The following PARD3 variants were observed in gnomAD, a reference collection of about 807,000 sequenced individuals.
PARD3 encodes the protein par-3 family cell polarity regulator.
PARD3 carries 75 observed loss-of-function variants against 155.4 expected under a neutral mutation model. The ratio of observed to expected loss-of-function variants is 0.48; its 90% CI spans 0.40 to 0.58. The LOEUF (loss-of-function observed/expected upper bound fraction) is 0.58, where lower values mean the gene tolerates loss of function less well. Ranked by LOEUF, PARD3 falls within the 20% of genes least tolerant of loss-of-function variation. The probability of loss-of-function intolerance (pLI) is 0.00; values close to 1 mark genes in which losing one functional copy is unlikely to be tolerated. For synonymous variants in PARD3, 576 were observed against 610.5 expected (o/e 0.94, Z 0.83); for missense variants, 1,642 against 1,721.7 (o/e 0.95, Z 0.82).
chr10:34,357,701 A>G (rs905459654), intron 14 of PARD3, among the ~76,000 whole-genome samples: 21 of 152,176 alleles, frequency 1.4e-4, no homozygotes, highest in African/African-American at 5.1e-4. Context: ...GAATGTTTGT[A>G]TGTCCCACTC....
intron 20 of PARD3, among the ~76,000 whole-genome samples, chr10:34,296,135 A>T (rs979625015): frequency 6.6e-6 from 1 of 152,158 alleles, no homozygotes; most frequent in Non-Finnish European, 1.5e-5. Flanking sequence ...TTCAATGACT[A>T]GGTTCTTCAT....
chr10:34,175,901 T>C (rs556143170), intron 22 of PARD3, among the ~76,000 whole-genome samples: 29 of 152,350 alleles, frequency 1.9e-4, no homozygotes, highest in South Asian at 8.3e-4. Flanking sequence ...CTAAGCTACC[T>C]GCATCATACT....
chr10:34,110,871 G>A lies in PARD3; in HGVS notation c.*298C>T, dbSNP rs570199633. The stretch of plus-strand genomic sequence containing the variant: ...TGCAGGGATGTTACAACCAAGCCGC[G>A]GACAACTCATGAGTAGGGCCGAGAT... On this transcript the variant is annotated 3_prime_UTR_variant, in exon 25 of 25. Coordinates refer to ENST00000374788, the MANE Select transcript of PARD3 (RefSeq NM_001184785.2). 13 of 242,248 alleles carry A rather than the reference G, an allele frequency of 5.4e-5. No homozygotes were observed. Among genetic ancestry groups the A allele is most frequent in the African/African-American group, 1.8e-4 (8 of 44,898 alleles). The allele number at this position is 242,248 out of a possible 1,614,324, so 15.0% of individuals were successfully genotyped here.
At chr10:34,566,602 C>T (rs756671958) in intron 2 of PARD3, among the ~76,000 whole-genome samples, 8 of 152,138 alleles carry the variant, frequency 5.3e-5, no homozygotes, top group South Asian at 2.1e-4. Flanking sequence ...TCCACCCTCC[C>T]GCAAAAAAGC....
intron 12 of PARD3, among the ~76,000 whole-genome samples, chr10:34,361,408 G>A (rs1433386347): frequency 6.6e-6 from 1 of 152,124 alleles, no homozygotes; most frequent in Non-Finnish European, 1.5e-5. Flanking sequence ...CAGATATGTA[G>A]GAATATATAC....
intron 2 of PARD3, among the ~76,000 whole-genome samples, chr10:34,532,932 C>T (rs1328733541): frequency 3.9e-5 from 6 of 152,228 alleles, no homozygotes; most frequent in Non-Finnish European, 8.8e-5. Flanking sequence ...TTACATAAAC[C>T]TGGAGGTATA....
At chr10:34,187,471 C>T (rs931922951) in intron 22 of PARD3, among the ~76,000 whole-genome samples, 1 of 152,188 alleles carries the variant, frequency 6.6e-6, no homozygotes, top group Non-Finnish European at 1.5e-5. Flanking sequence ...TTAATTTCTT[C>T]TGCATCTCCT....
intron 2 of PARD3, among the ~76,000 whole-genome samples, chr10:34,518,695 A>T (rs1227692506): frequency 1.3e-5 from 2 of 152,200 alleles, no homozygotes; most frequent in African/African-American, 4.8e-5. Context: ...TCCAAATAAT[A>T]AATAGAAGGA....
rs768973001 is a variant in PARD3 at position 34,111,236 on chromosome 10, G to A, written c.3995C>T (p.Ser1332Phe). ...KGPFRQDVPPSPSQVARLNRL... is the reference protein window; with the variant it reads ...KGPFRQDVPPFPSQVARLNRL... ...GTTCAGCCTCGCAACCTGAGAAGGG[G>A]AGGGGGGCACATCTTGCCGGAAGGG... Residue 1332 changes from serine (S) to phenylalanine (F), a missense_variant, in exon 25 of 25, where the codon TCC (serine) becomes TTC (phenylalanine). Physicochemically the swap from Ser to Phe is radical, Grantham distance 155. This residue lies in a region of PARD3 where 1,529 missense variants were observed against 1,587.3 expected (regional missense o/e 0.96). Transcript: ENST00000374788. The A allele has an allele frequency of 1.9e-6, 3 of 1,611,560 alleles. No homozygotes were observed. The highest frequency in any genetic ancestry group is 2.5e-6 in the Non-Finnish European group (3 of 1,177,952).
intron 12 of PARD3, 118 bp from the exon 13 acceptor site, chr10:34,360,377 G>A: frequency 1.5e-6 from 1 of 660,094 alleles, no homozygotes; most frequent in Non-Finnish European, 2.6e-6. Context: ...TTTCCATGAA[G>A]GTTCCACAGC....
intron 22 of PARD3, among the ~76,000 whole-genome samples, chr10:34,164,199 A>C (rs952560359): frequency 2.0e-5 from 3 of 152,238 alleles, no homozygotes; most frequent in African/African-American, 4.8e-5. Flanking sequence ...CATAAAAAAA[A>C]CCTGCTTCTG....
chr10:34,619,801 T>G (rs1458598955), intron 2 of PARD3, among the ~76,000 whole-genome samples: 1 of 152,188 alleles, frequency 6.6e-6, no homozygotes, highest in Non-Finnish European at 1.5e-5. Flanking sequence ...TGAACTCCCT[T>G]CCTCCACAGG....
In PARD3 at chr10:34,164,031, A is replaced by C. The variant is rs370295923; in HGVS notation, c.3420-32448T>G. Among the ~76,000 whole-genome samples the C allele has an allele frequency of 1.8e-4, 27 of 152,320 alleles. 1 individual carries two copies. The East Asian group carries it at 1.9e-3, about 11-fold the overall frequency. On this transcript the variant is annotated intron_variant, in intron 22 of 24. Coordinates refer to ENST00000374788, the MANE Select transcript of PARD3 (RefSeq NM_001184785.2). ...CTTAATGTCAAGAGTAAACATGCAC[A>C]AAATATGGTTAATTAAACCACCACG... is the stretch of plus-strand genomic sequence containing the variant.
At chr10:34,644,107 C>T (rs1434769852) in intron 2 of PARD3, among the ~76,000 whole-genome samples, 1 of 152,114 alleles carries the variant, frequency 6.6e-6, no homozygotes, top group African/African-American at 2.4e-5. Context: ...GGATACTGAA[C>T]TCTGAAACCA....
At chr10:34,475,097 TGACCTCAAA>T (rs2078624530) in intron 3 of PARD3, among the ~76,000 whole-genome samples, 1 of 152,212 alleles carries the variant, frequency 6.6e-6, no homozygotes, top group South Asian at 2.1e-4. Context: ...TAAAAATTGA[TGACCTCAAA>T]GAGTTTTTGT....
At chr10:34,501,860 G>T (rs1047839824) in intron 3 of PARD3, among the ~76,000 whole-genome samples, 1 of 152,110 alleles carries the variant, frequency 6.6e-6, no homozygotes, top group Non-Finnish European at 1.5e-5. Flanking sequence ...AATGAATGTT[G>T]TGTCTACCAA....
intron 15 of PARD3, chr10:34,343,143 C>G (rs565837071): frequency 5.1e-4 from 100 of 195,012 alleles, no homozygotes; most frequent in African/African-American, 2.3e-3. Context: ...TCAAGACATA[C>G]TTTTTTCCTT....
intron 23 of PARD3, among the ~76,000 whole-genome samples, chr10:34,129,550 A>G (rs1432107323): frequency 1.3e-5 from 2 of 152,044 alleles, no homozygotes; most frequent in East Asian, 1.9e-4. Flanking sequence ...TCCTAGCACT[A>G]TTTCTCTTCA....
At position 34,111,109 on chromosome 10, in the gene PARD3, C is replaced by A; in HGVS notation, c.*60G>T. 6.7e-7 allele frequency: 1 copy of A among 1,499,942 alleles called. No individual in the cohort carries two copies. Among genetic ancestry groups the A allele is most frequent in the South Asian group, 1.4e-5 (1 of 71,320 alleles). 92.9% of individuals were successfully genotyped at this position (1,499,942 alleles called of 1,614,324 possible). ...AGGTTTTAAAAAAACTCCCAAAATA[C>A]AAGTCTTCATAGGAAAATGTCTTTT... is the stretch of plus-strand genomic sequence containing the variant. On this transcript the variant is annotated 3_prime_UTR_variant, in exon 25 of 25. Coordinates refer to ENST00000374788, the MANE Select transcript of PARD3 (RefSeq NM_001184785.2).
Sources: gnomAD v4.1 joint callset for allele counts (sites outside exome capture counted in the v4.1 genomes callset) on GRCh38, gnomAD v4.1.1 for gene constraint, gnomAD v4.1.1 regional missense constraint, MANE v1.5 for transcripts, NCBI Gene and HGNC (gene_info 2026-07-23, HGNC 2026-07-21) for gene names.